NYAP2: variants seen among roughly 807,000 people sequenced by gnomAD.
NYAP2 encodes neuronal tyrosine-phosphorylated phosphoinositide-3-kinase adapter 2.
Under a neutral mutation model 50.4 loss-of-function variants are expected in NYAP2, and 23 were observed. That is an observed-to-expected ratio of 0.46 (90% CI 0.33 to 0.65). The LOEUF (loss-of-function observed/expected upper bound fraction) is 0.65. Ranked by LOEUF, NYAP2 falls within the 30% of genes least tolerant of loss-of-function variation. NYAP2 has a pLI of 0.02. For synonymous variants in NYAP2, 394 were observed against 365.2 expected (o/e 1.08, Z -0.90); for missense variants, 885 against 861.0 (o/e 1.03, Z -0.35).
intron 3 of NYAP2, among the ~76,000 whole-genome samples, chr2:225,488,673 T>A (rs987755228): frequency 6.6e-6 from 1 of 152,258 alleles, no homozygotes; most frequent in Admixed American, 6.5e-5. Context: ...ATACCCAGCC[T>A]TTGACAGGAT....
chr2:225,432,964 T>G (rs1689293186), intron 3 of NYAP2, among the ~76,000 whole-genome samples: 1 of 152,194 alleles, frequency 6.6e-6, no homozygotes, highest in Non-Finnish European at 1.5e-5. Flanking sequence ...CTTTCACTCA[T>G]AAACCATATG....
chr2:225,603,756 T>C (rs185663659), intron 5 of NYAP2, among the ~76,000 whole-genome samples: 1 of 152,312 alleles, frequency 6.6e-6, no homozygotes, highest in African/African-American at 2.4e-5. Flanking sequence ...TAGTTTTGTT[T>C]GTTTGAGGCT....
chr2:225,587,914 CTTTAAAAAGTAGTAAATACTTTT>C (rs1692415984), intron 5 of NYAP2, among the ~76,000 whole-genome samples: 2 of 151,616 alleles, frequency 1.3e-5, no homozygotes, highest in Admixed American at 1.3e-4. Flanking sequence ...ATCTTTTAGC[CTTTAAAAAGTAGTAAATACTTTT>C]TTTTTTAGGC....
At chr2:225,689,940 T>A in the NYAP2 span, among the ~76,000 whole-genome samples, 1 of 152,118 alleles carries the variant, frequency 6.6e-6, no homozygotes, top group South Asian at 2.1e-4. Context: ...CAAAGTGAGA[T>A]TGAAAGCCTA....
chr2:225,565,486 C>T (rs1691945910), intron 4 of NYAP2, among the ~76,000 whole-genome samples: 2 of 152,174 alleles, frequency 1.3e-5, no homozygotes, highest in Non-Finnish European at 2.9e-5. Flanking sequence ...GGCAAAATCA[C>T]TCATTTTACA....
chr2:225,689,483 G>C, the NYAP2 span, among the ~76,000 whole-genome samples: 2 of 152,194 alleles, frequency 1.3e-5, no homozygotes, highest in East Asian at 1.9e-4. Context: ...GTGATTTTTA[G>C]ATCTAGAAAA....
At chr2:225,613,358 C>T (rs781007680) in intron 5 of NYAP2, among the ~76,000 whole-genome samples, 4 of 152,130 alleles carry the variant, frequency 2.6e-5, no homozygotes, top group Non-Finnish European at 5.9e-5. Context: ...GCTATTTCCA[C>T]TTGCTTTATT....
intron 5 of NYAP2, among the ~76,000 whole-genome samples, chr2:225,600,584 C>T (rs1692676232): frequency 6.6e-6 from 1 of 152,154 alleles, no homozygotes; most frequent in South Asian, 2.1e-4. Flanking sequence ...AGGTGAGAAG[C>T]AAGATGTAGT....
chr2:225,665,196 G>T, the NYAP2 span, among the ~76,000 whole-genome samples: 113,560 of 151,936 alleles, frequency 0.75, 42,671 homozygotes, highest in Middle Eastern at 0.86. Context: ...GCTGAACTTT[G>T]CTCTTTTTTT....
chr2:225,561,110 A>G (rs571771529), intron 4 of NYAP2, among the ~76,000 whole-genome samples: 1 of 152,200 alleles, frequency 6.6e-6, no homozygotes, highest in South Asian at 2.1e-4. Context: ...ATTACAGTAA[A>G]CATAAGTAAA....
chr2:225,647,836 A>G (rs925162186), intron 6 of NYAP2, among the ~76,000 whole-genome samples: 3 of 152,132 alleles, frequency 2.0e-5, no homozygotes, highest in South Asian at 4.1e-4. Flanking sequence ...TACACTTTGA[A>G]CTAGGTCTTA....
intron 5 of NYAP2, among the ~76,000 whole-genome samples, chr2:225,611,138 G>A (rs1197920888): frequency 6.6e-6 from 1 of 152,022 alleles, no homozygotes; most frequent in Non-Finnish European, 1.5e-5. Context: ...TGTAGACTAT[G>A]GGATCTACAT....
the NYAP2 span, among the ~76,000 whole-genome samples, chr2:225,679,314 A>G: frequency 6.6e-6 from 1 of 152,140 alleles, no homozygotes; most frequent in Non-Finnish European, 1.5e-5. Flanking sequence ...TTAATTATAT[A>G]TGGTGCAGAG....
chr2:225,492,188 C>A (rs553282233), intron 3 of NYAP2, among the ~76,000 whole-genome samples: 2 of 152,134 alleles, frequency 1.3e-5, no homozygotes, highest in Non-Finnish European at 2.9e-5. Context: ...GTTCCTTTGC[C>A]GGTTGATTGT....
At chr2:225,676,390 CATTT>C in the NYAP2 span, among the ~76,000 whole-genome samples, 1 of 151,886 alleles carries the variant, frequency 6.6e-6, no homozygotes, top group South Asian at 2.1e-4. Flanking sequence ...CTTCCAGCAC[CATTT>C]ATTGAATAGG....
chr2:225,586,431 G>A (rs1234862880), intron 5 of NYAP2, among the ~76,000 whole-genome samples: 1 of 152,108 alleles, frequency 6.6e-6, no homozygotes, highest in Admixed American at 6.5e-5. Flanking sequence ...ACACCTGATA[G>A]TCTGTAGCTC....
At chr2:225,591,636 G>A (rs1050527306) in intron 5 of NYAP2, among the ~76,000 whole-genome samples, 6 of 152,198 alleles carry the variant, frequency 3.9e-5, no homozygotes, top group Admixed American at 1.3e-4. Context: ...TGACCTTGCC[G>A]TTTTAAAGAT....
chr2:225,644,344 C>T (rs1277315431), intron 6 of NYAP2, among the ~76,000 whole-genome samples: 2 of 151,270 alleles, frequency 1.3e-5, no homozygotes, highest in Non-Finnish European at 3.0e-5. Flanking sequence ...GATATTAGCC[C>T]TTTGTCAGAT....
At chr2:225,405,483 T>G (rs768888186) in intron 2 of NYAP2, among the ~76,000 whole-genome samples, 1 of 152,136 alleles carries the variant, frequency 6.6e-6, no homozygotes, top group Non-Finnish European at 1.5e-5. Context: ...AAGTTTTTGG[T>G]GGTTTACAAC....
Sources: gnomAD v4.1 joint callset for allele counts (sites outside exome capture counted in the v4.1 genomes callset) on GRCh38, gnomAD v4.1.1 for gene constraint, MANE v1.5 for transcripts, NCBI Gene and HGNC (gene_info 2026-07-23, HGNC 2026-07-21) for gene names.